PDE4B: variants seen among roughly 807,000 people sequenced by gnomAD.
The protein encoded by PDE4B is phosphodiesterase 4B, also known as 3',5'-cyclic-AMP phosphodiesterase 4B.
PDE4B carries 20 observed loss-of-function variants against 82.2 expected under a neutral mutation model. The ratio of observed to expected loss-of-function variants is 0.24; its 90% CI spans 0.17 to 0.35. The LOEUF (loss-of-function observed/expected upper bound fraction) is 0.35, where lower values mean the gene tolerates loss of function less well. Ranked by LOEUF, PDE4B falls within the 10% of genes least tolerant of loss-of-function variation. PDE4B has a pLI of 1.00. For synonymous variants in PDE4B, 320 were observed against 318.9 expected, an observed-to-expected ratio of 1.00 and a Z score of -0.04; for missense variants, 655 against 907.2, an observed-to-expected ratio of 0.72 and a Z score of 3.57.
chr1:65,918,747 A>G lies in PDE4B; in HGVS notation c.193A>G (p.Thr65Ala). ...TCAAAGACAGAGTGAAAGGGCAAGG[A>G]CTCCTGAGGGAGATGGTATTTCCAG... is the stretch of plus-strand genomic sequence containing the variant. ...LSQRQSERAR[T>A]PEGDGISRPT... Residue 65 changes from threonine (T) to alanine (A), a missense_variant, in exon 3 of 17, where the codon ACT becomes GCT. Around this residue, in one of 3 missense-constraint regions of PDE4B, gnomAD observed 253 missense variants for 275.6 expected, o/e 0.92. Coordinates refer to ENST00000341517, the MANE Select transcript of PDE4B (RefSeq NM_002600.4). 1 of 1,613,844 alleles carries G rather than the reference A, an allele frequency of 6.2e-7. No individual in the cohort carries two copies.
At chr1:66,370,517 T>C (rs2050710373) in intron 16 of PDE4B, among the ~76,000 whole-genome samples, 1 of 152,166 alleles carries the variant, frequency 6.6e-6, no homozygotes, top group South Asian at 2.1e-4. Flanking sequence ...CTCTCCATCT[T>C]AGGGACAGGT....
intron 3 of PDE4B, among the ~76,000 whole-genome samples, chr1:65,969,337 A>T (rs190709471): frequency 1.3e-5 from 2 of 152,290 alleles, no homozygotes; most frequent in Admixed American, 1.3e-4. Context: ...CCAGTTATAA[A>T]TCACTGGCTA....
chr1:66,082,567 G>T (rs993184440), intron 3 of PDE4B, among the ~76,000 whole-genome samples: 7 of 151,654 alleles, frequency 4.6e-5, no homozygotes, highest in Non-Finnish European at 8.8e-5. Flanking sequence ...TCAATGTGTT[G>T]TGCCTCATTT....
chr1:65,872,881 C>T (rs1411330672), intron 1 of PDE4B, among the ~76,000 whole-genome samples: 1 of 152,046 alleles, frequency 6.6e-6, no homozygotes, highest in Non-Finnish European at 1.5e-5. Flanking sequence ...ATCATTTTTT[C>T]CCACTTTACT....
intron 3 of PDE4B, among the ~76,000 whole-genome samples, chr1:66,084,037 A>C (rs187560495): frequency 8.5e-5 from 13 of 152,294 alleles, no homozygotes; most frequent in African/African-American, 3.1e-4. Context: ...ATCCTCAGCC[A>C]TTGAGTTATC....
chr1:66,188,249 T>G (rs1458043941), intron 3 of PDE4B, among the ~76,000 whole-genome samples: 2 of 152,044 alleles, frequency 1.3e-5, no homozygotes, highest in Admixed American at 6.6e-5. Flanking sequence ...AGTGTTTTAC[T>G]TCCAACTATG....
intron 7 of PDE4B, among the ~76,000 whole-genome samples, chr1:66,276,662 C>T (rs189337209): frequency 4.6e-5 from 7 of 152,250 alleles, no homozygotes; most frequent in South Asian, 4.1e-4. Context: ...ATTTAATAAA[C>T]GTGTTAAATT....
intron 3 of PDE4B, among the ~76,000 whole-genome samples, chr1:66,095,439 C>T (rs1463717141): frequency 1.3e-5 from 2 of 151,872 alleles, no homozygotes; most frequent in Non-Finnish European, 2.9e-5. Flanking sequence ...GTCAAAGGAA[C>T]TGTGTCACAT....
intron 3 of PDE4B, among the ~76,000 whole-genome samples, chr1:65,920,705 T>C (rs771109681): frequency 6.6e-6 from 1 of 152,184 alleles, no homozygotes; most frequent in Non-Finnish European, 1.5e-5. Flanking sequence ...TTGATCATTA[T>C]CCAATAAATA....
At chr1:65,847,984 A>G (rs1328713142) in intron 1 of PDE4B, among the ~76,000 whole-genome samples, 1 of 151,984 alleles carries the variant, frequency 6.6e-6, no homozygotes, top group Non-Finnish European at 1.5e-5. Flanking sequence ...TTATCAGTAC[A>G]ATAAAAGTTG....
At chr1:66,013,157 T>G (rs1937450) in intron 3 of PDE4B, among the ~76,000 whole-genome samples, 67,941 of 151,848 alleles carry the variant, frequency 0.45, 16,221 homozygotes, top group Non-Finnish European at 0.54. Flanking sequence ...ACACTTTGTG[T>G]AACTCTCCCC....
At chr1:66,175,091 A>G (rs1646908906) in intron 3 of PDE4B, among the ~76,000 whole-genome samples, 1 of 152,186 alleles carries the variant, frequency 6.6e-6, no homozygotes, top group Non-Finnish European at 1.5e-5. Context: ...AAGAATTACA[A>G]TTTGGATTAC....
intron 7 of PDE4B, among the ~76,000 whole-genome samples, chr1:66,285,695 T>A (rs1438110651): frequency 6.6e-6 from 1 of 152,046 alleles, no homozygotes; most frequent in Admixed American, 6.6e-5. Flanking sequence ...TATGGCTGAG[T>A]AGTATTCCAT....
At chr1:65,906,313 C>T (rs1029627864) in intron 1 of PDE4B, among the ~76,000 whole-genome samples, 2 of 152,120 alleles carry the variant, frequency 1.3e-5, no homozygotes, top group South Asian at 2.1e-4. Context: ...CTAATGCCAT[C>T]TTCACTTTGG....
intron 3 of PDE4B, among the ~76,000 whole-genome samples, chr1:66,155,732 G>A (rs1054401366): frequency 6.6e-6 from 1 of 152,038 alleles, no homozygotes; most frequent in Admixed American, 6.6e-5. Context: ...ATCTGCCCTA[G>A]TGATATTAAT....
chr1:65,844,805 C>T (rs567961979), intron 1 of PDE4B, among the ~76,000 whole-genome samples: 26 of 152,086 alleles, frequency 1.7e-4, no homozygotes, highest in Non-Finnish European at 3.2e-4. Flanking sequence ...AGGTTGTGAC[C>T]AGCTGGACAG....
chr1:66,033,643 A>C (rs1230216608), intron 3 of PDE4B, among the ~76,000 whole-genome samples: 1 of 152,078 alleles, frequency 6.6e-6, no homozygotes, highest in African/African-American at 2.4e-5. Flanking sequence ...ATAAACAAGC[A>C]AGACTGACTC....
chr1:65,823,714 A>ACGTT (rs1645982793), intron 1 of PDE4B, among the ~76,000 whole-genome samples: 1 of 152,116 alleles, frequency 6.6e-6, no homozygotes, highest in South Asian at 2.1e-4. Flanking sequence ...TAACATCTGA[A>ACGTT]CGTCTTATAT....
At chr1:65,970,228 T>TTTCTA (rs1373918712) in intron 3 of PDE4B, among the ~76,000 whole-genome samples, 1 of 152,044 alleles carries the variant, frequency 6.6e-6, no homozygotes, top group Non-Finnish European at 1.5e-5. Context: ...TTTTTTTTTT[T>TTTCTA]TTCTAAGTAA....
Sources: allele counts gnomAD v4.1 joint callset (sites outside exome capture counted in the v4.1 genomes callset), GRCh38; gene constraint gnomAD v4.1.1; regional missense constraint gnomAD v4.1.1; transcripts MANE v1.5; gene names NCBI Gene and HGNC (gene_info 2026-07-23, HGNC 2026-07-21).